Variants in CPXM2 observed in about 807,000 individuals in gnomAD.
CPXM2 encodes the protein carboxypeptidase X, M14 family member 2, also known as inactive carboxypeptidase-like protein X2.
Under a neutral mutation model 86.1 loss-of-function variants are expected in CPXM2, and 66 were observed. That is an observed-to-expected ratio of 0.77 (90% CI 0.63 to 0.94). The LOEUF is 0.94. CPXM2 is among the 40% of genes least tolerant of loss of function. The probability of loss-of-function intolerance (pLI) is 0.00; values close to 1 mark genes in which losing one functional copy is unlikely to be tolerated. For missense variants in CPXM2, 948 were observed against 1,026.3 expected (o/e 0.92, Z 1.04); for synonymous variants, 388 against 400.2 (o/e 0.97, Z 0.36).
intron 2 of CPXM2, among the ~76,000 whole-genome samples, chr10:123,935,342 G>A (rs903367050): frequency 6.6e-6 from 1 of 152,134 alleles, no homozygotes; most frequent in Non-Finnish European, 1.5e-5. Context: ...GTCAAGCAGA[G>A]GTGCCCACTT....
intron 6 of CPXM2, among the ~76,000 whole-genome samples, chr10:123,792,913 C>G (rs1288775356): frequency 6.6e-6 from 1 of 152,198 alleles, no homozygotes; most frequent in African/African-American, 2.4e-5. Flanking sequence ...AGAGCTGGGA[C>G]CCACAGGTGG....
intron 1 of CPXM2, among the ~76,000 whole-genome samples, chr10:123,888,668 C>T (rs1945218201): frequency 6.6e-6 from 1 of 152,218 alleles, no homozygotes; most frequent in African/African-American, 2.4e-5. Context: ...CCAGTCTTCC[C>T]ACTTTGGTCC....
In CPXM2 at chr10:123,827,714, AT is replaced by A. The variant is rs1470978137; in HGVS notation, c.653+14634del. Among the ~76,000 whole-genome samples, 4 of 152,240 alleles carry A rather than the reference AT, an allele frequency of 2.6e-5. 1 individual carries two copies. Among genetic ancestry groups the A allele is most frequent in the African/African-American group, 9.6e-5 (4 of 41,468 alleles). On this transcript the variant is annotated intron_variant, in intron 4 of 13. Transcript: ENST00000241305. ...TGTTTTTGTAGCTATAAACAAGATT[AT>A]TTTAAAATTAATATAGAAAAGCAAA...
chr10:123,896,938 G>A (rs1035074241), upstream of CPXM2, among the ~76,000 whole-genome samples: 3 of 152,208 alleles, frequency 2.0e-5, no homozygotes, highest in African/African-American at 7.2e-5. Flanking sequence ...GGGAGGCTGG[G>A]AGGCTGCCCC....
intron 2 of CPXM2, among the ~76,000 whole-genome samples, chr10:123,936,711 G>A (rs368451889): frequency 7.2e-5 from 11 of 152,098 alleles, no homozygotes; most frequent in African/African-American, 2.4e-4. Context: ...CACACCCTGC[G>A]GCACTTTCCT....
intron 2 of CPXM2, among the ~76,000 whole-genome samples, chr10:123,909,774 C>G (rs1945473310): frequency 6.6e-6 from 1 of 152,336 alleles, no homozygotes; most frequent in South Asian, 2.1e-4. Flanking sequence ...CTCTTCCTGT[C>G]ATGTTCTCTC....
At chr10:123,884,479 T>C (rs1440290555) in intron 1 of CPXM2, among the ~76,000 whole-genome samples, 1 of 152,192 alleles carries the variant, frequency 6.6e-6, no homozygotes, top group Non-Finnish European at 1.5e-5. Context: ...CTTATCCAAT[T>C]CTGAGGACTG....
intron 4 of CPXM2, among the ~76,000 whole-genome samples, chr10:123,828,076 C>G (rs1003310705): frequency 6.6e-6 from 1 of 151,968 alleles, no homozygotes; most frequent in Non-Finnish European, 1.5e-5. Context: ...GAGGCTGAGT[C>G]AGGAAGATTG....
chr10:123,775,606 C>T (rs1394753225), intron 7 of CPXM2, among the ~76,000 whole-genome samples: 2 of 152,230 alleles, frequency 1.3e-5, no homozygotes, highest in Non-Finnish European at 2.9e-5. Flanking sequence ...AGAATGACCT[C>T]CTGATGTTCT....
In CPXM2 at chr10:123,839,687, T is replaced by C. The variant is rs113061069; in HGVS notation, c.653+2662A>G. On this transcript the variant is annotated intron_variant, in intron 4 of 13. Coordinates refer to ENST00000241305, the MANE Select transcript of CPXM2 (RefSeq NM_198148.3). The stretch of plus-strand genomic sequence containing the variant: ...AAAGGGAGATGACTACTGCCTTCTT[T>C]ACTGTTAGTATTTAATGATACTCAT... 1.2e-3 allele frequency among the ~76,000 whole-genome samples: 180 copies of C among 152,300 alleles called. 1 individual carries two copies. Among genetic ancestry groups the C allele is most frequent in the African/African-American group, 3.9e-3 (161 of 41,568 alleles).
intron 2 of CPXM2, among the ~76,000 whole-genome samples, chr10:123,869,636 G>A (rs910552500): frequency 3.3e-5 from 5 of 152,108 alleles, no homozygotes; most frequent in Admixed American, 2.0e-4. Context: ...TCTATTCCTC[G>A]GGAGGCGAGC....
intron 2 of CPXM2, among the ~76,000 whole-genome samples, chr10:123,933,339 G>T (rs1167208407): frequency 1.3e-5 from 2 of 152,208 alleles, no homozygotes; most frequent in Non-Finnish European, 2.9e-5. Flanking sequence ...ATCCTTTGAC[G>T]GCAGTGGGGA....
At chr10:123,808,348 T>G (rs1177436088) in intron 4 of CPXM2, among the ~76,000 whole-genome samples, 1 of 146,518 alleles carries the variant, frequency 6.8e-6, no homozygotes, top group African/African-American at 2.7e-5. Context: ...ACTCTCCAAT[T>G]GGGCAAACAA....
Position 123,780,157 on chromosome 10 carries a change from TG to T in CPXM2, c.978+9del. The T allele has an allele frequency of 6.4e-7, 1 of 1,558,958 alleles. No homozygotes were observed. Among genetic ancestry groups the T allele is most frequent in the Non-Finnish European group, 8.9e-7 (1 of 1,129,668 alleles). ...ATTCCTGGCATGAGGCTTTGTGATC[TG>T]GGTCTTACCTGGCGCATTTCCTTAT... On this transcript the variant is annotated intron_variant, in intron 7 of 13. Coordinates refer to ENST00000241305, the MANE Select transcript of CPXM2 (RefSeq NM_198148.3).
At chr10:123,840,564 C>T (rs959000405) in intron 4 of CPXM2, among the ~76,000 whole-genome samples, 15 of 152,122 alleles carry the variant, frequency 9.9e-5, no homozygotes, top group Admixed American at 6.5e-5. Context: ...ATAATCATTA[C>T]AAAGCCTGAG....
Position 123,877,954 on chromosome 10 carries a change from G to A in CPXM2, c.403+2257C>T, listed in dbSNP as rs577244723. On this transcript the variant is annotated intron_variant, in intron 2 of 13. Transcript: ENST00000241305. Reference sequence around the variant, plus strand: ...GTTAACATCGCCTGTACTGCCCCCCGCCTTGCAAATGAAGTGGCTGACATC... The same window carrying A: ...GTTAACATCGCCTGTACTGCCCCCCACCTTGCAAATGAAGTGGCTGACATC... 4.6e-4 allele frequency among the ~76,000 whole-genome samples: 70 copies of A among 151,940 alleles called. 2 individuals carry two copies. Among genetic ancestry groups the A allele is most frequent in the Non-Finnish European group, 2.4e-4 (16 of 67,960 alleles).
chr10:123,871,781 G>C (rs964256397), intron 2 of CPXM2, among the ~76,000 whole-genome samples: 1 of 152,140 alleles, frequency 6.6e-6, no homozygotes, highest in African/African-American at 2.4e-5. Flanking sequence ...GTTAAAAAGT[G>C]AGCCAAGAAG....
chr10:123,874,909 G>T lies in CPXM2; in HGVS notation c.403+5302C>A, dbSNP rs571650460. ...TCATGCCACCTATGGGTGCTACCGA[G>T]CACATCAGAACATCAGAGTTCTGTC... On this transcript the variant is annotated intron_variant, in intron 2 of 13. Transcript: ENST00000241305. Among the ~76,000 whole-genome samples the T allele has an allele frequency of 6.6e-5, 10 of 152,328 alleles. No homozygotes were observed. In the South Asian group the frequency reaches 2.1e-3, roughly 32 times the overall value.
intron 11 of CPXM2, among the ~76,000 whole-genome samples, chr10:123,761,500 T>C (rs1301970418): frequency 6.6e-6 from 1 of 152,202 alleles, no homozygotes; most frequent in Non-Finnish European, 1.5e-5. Context: ...GGGTTTCTTT[T>C]TGTTGTTGTC....
Sources: gnomAD v4.1 joint callset for allele counts (sites outside exome capture counted in the v4.1 genomes callset) on GRCh38, gnomAD v4.1.1 for gene constraint, MANE v1.5 for transcripts, NCBI Gene and HGNC (gene_info 2026-07-23, HGNC 2026-07-21) for gene names.